Variants in IQCH observed in about 807,000 individuals in gnomAD.
IQCH encodes the protein IQ domain-containing protein H.
A neutral mutation model predicts 117.0 loss-of-function variants in IQCH; 98 were observed. The ratio of observed to expected loss-of-function variants is 0.84; its 90% CI spans 0.71 to 0.99. The LOEUF (loss-of-function observed/expected upper bound fraction) is 0.99, where lower values mean the gene tolerates loss of function less well. Among genes scored for constraint, IQCH ranks in the 50% least tolerant of loss-of-function variants. IQCH has a pLI of 0.00. For missense variants in IQCH, 1,102 were observed against 1,243.8 expected, an observed-to-expected ratio of 0.89 and a Z score of 1.72; for synonymous variants, 412 against 448.2, an observed-to-expected ratio of 0.92 and a Z score of 1.02.
At chr15:67,335,987 A>G (rs960192557) in intron 4 of IQCH, among the ~76,000 whole-genome samples, 5 of 152,030 alleles carry the variant, frequency 3.3e-5, no homozygotes, top group Non-Finnish European at 7.4e-5. Flanking sequence ...CCTTAAAGTC[A>G]CTATGACCTT....
rs938171797 is a variant in IQCH at position 67,417,522 on chromosome 15, G to A, written c.2218+471G>A. Among the ~76,000 whole-genome samples the A allele has an allele frequency of 6.6e-6, 1 of 152,122 alleles. No individual in the cohort carries two copies. The highest frequency in any genetic ancestry group is 1.5e-5 in the Non-Finnish European group (1 of 68,010). On this transcript the variant is annotated intron_variant, in intron 15 of 20. Coordinates refer to ENST00000335894, the MANE Select transcript of IQCH (RefSeq NM_001031715.3). This position sits in a 1 kb window ranked among gnomAD's most constrained non-coding sequence, Gnocchi z 4.3. ...GTTAGTTTCTCCTTCTGTTTTCTAG[G>A]AGAGCAAAAATGGTCTCGCTTCCAG...
rs1329096026 is a variant in IQCH at position 67,433,327 on chromosome 15, G to A, written c.2505+11750G>A. 6.6e-6 allele frequency among the ~76,000 whole-genome samples: 1 copy of A among 152,148 alleles called. No individual in the cohort carries two copies. Among genetic ancestry groups the A allele is most frequent in the Non-Finnish European group, 1.5e-5 (1 of 68,016 alleles). On this transcript the variant is annotated intron_variant, in intron 16 of 20. Coordinates refer to ENST00000335894, the MANE Select transcript of IQCH (RefSeq NM_001031715.3). This position sits in a 1 kb window ranked among gnomAD's most constrained non-coding sequence, Gnocchi z 5.4. ...TTTTTCCAGTGAAAATTACAATTCT[G>A]TTTCTTAACACTGATAGTGCAGGTA...
In IQCH at chr15:67,500,276, G is replaced by A. The variant is rs191948223; in HGVS notation, c.2971-357G>A. 1.3e-5 allele frequency among the ~76,000 whole-genome samples: 2 copies of A among 152,074 alleles called. No homozygotes were observed. The highest frequency in any genetic ancestry group is 1.9e-4 in the East Asian group (1 of 5,178). ...ATTATCCATAATAAGGAAACTATTT[G>A]TTTTGTTTTGATTTTATCTGACTAT... On this transcript the variant is annotated intron_variant, in intron 20 of 20. Transcript: ENST00000335894. The surrounding 1 kb of genome is among the most constrained non-coding windows in gnomAD (Gnocchi z 4.4).
chr15:67,474,093 T>TGTGTGTGC lies in IQCH; in HGVS notation c.2677-1596_2677-1595insCGTGTGTG, dbSNP rs2083142867. On this transcript the variant is annotated intron_variant, in intron 17 of 20. Coordinates refer to ENST00000335894, the MANE Select transcript of IQCH (RefSeq NM_001031715.3). This position sits in a 1 kb window ranked among gnomAD's most constrained non-coding sequence, Gnocchi z 4.1. The stretch of plus-strand genomic sequence containing the variant: ...GTGTGTGTGTGTGTGTGTGTGTGTG[T>TGTGTGTGC]GTGTGTGTGTGGAGAGGGAGAGAGG... Among the ~76,000 whole-genome samples, 1 of 151,064 alleles carries TGTGTGTGC rather than the reference T, an allele frequency of 6.6e-6. No homozygotes were observed. Among genetic ancestry groups the TGTGTGTGC allele is most frequent in the Non-Finnish European group, 1.5e-5 (1 of 67,854 alleles).
chr15:67,348,579 T>C (rs1413690287), intron 6 of IQCH, among the ~76,000 whole-genome samples: 1 of 152,248 alleles, frequency 6.6e-6, no homozygotes. Context: ...AACCTATGGA[T>C]GCTGGATGCT....
rs1329902509 is a variant in IQCH at position 67,370,839 on chromosome 15, A to G, written c.754-1272A>G. The stretch of plus-strand genomic sequence containing the variant: ...TTAACACTTGTTTTTCAGCATTTTT[A>G]CTTGAGATGGCAGTCTAATTAATTA... On this transcript the variant is annotated intron_variant, in intron 8 of 20. Coordinates refer to ENST00000335894, the MANE Select transcript of IQCH (RefSeq NM_001031715.3). This position sits in a 1 kb window ranked among gnomAD's most constrained non-coding sequence, Gnocchi z 5.6. Among the ~76,000 whole-genome samples the G allele has an allele frequency of 2.6e-5, 4 of 152,160 alleles. No individual in the cohort carries two copies. The highest frequency in any genetic ancestry group is 6.5e-5 in the Admixed American group (1 of 15,272).
rs2140894552 is a variant in IQCH at position 67,411,493 on chromosome 15, G to C, written c.2098-5438G>C. ...GATGTCAGAAAGCATCTAGAAATCA[G>C]AACCATGTAGGCAGGTCCCTTGATT... On this transcript the variant is annotated intron_variant, in intron 14 of 20. Transcript: ENST00000335894. The surrounding 1 kb of genome is among the most constrained non-coding windows in gnomAD (Gnocchi z 4.4). 6.6e-6 allele frequency among the ~76,000 whole-genome samples: 1 copy of C among 152,328 alleles called. No individual in the cohort carries two copies. Among genetic ancestry groups the C allele is most frequent in the Non-Finnish European group, 1.5e-5 (1 of 68,042 alleles).
rs781205691 is a variant in IQCH at position 67,337,034 on chromosome 15, T to G, written c.447T>G (p.Ser149=). 4.3e-6 allele frequency: 7 copies of G among 1,613,768 alleles called. No individual in the cohort carries two copies. Among genetic ancestry groups the G allele is most frequent in the Non-Finnish European group, 5.1e-6 (6 of 1,179,750 alleles). Residue 149 remains serine (S), a synonymous_variant, in exon 5 of 21, where the codon TCT becomes TCG. Coordinates refer to ENST00000335894, the MANE Select transcript of IQCH (RefSeq NM_001031715.3). ...SNISSLTVLP[S]SHCTDPYFTP... The stretch of plus-strand genomic sequence containing the variant: ...TATCCAGCCTCACGGTTCTGCCATC[T>G]TCTCATTGCACAGATCCCTATTTCA...
rs185283782 is a variant in IQCH at position 67,467,870 on chromosome 15, G to A, written c.2676+2573G>A. Among the ~76,000 whole-genome samples, 4 of 152,160 alleles carry A rather than the reference G, an allele frequency of 2.6e-5. No individual in the cohort carries two copies. The highest frequency in any genetic ancestry group is 2.6e-4 in the Admixed American group (4 of 15,274). ...ATGCCTATAAAATGCTTCCAGTGTG[G>A]GCCCTTTTCTTTAATAATATGCTAT... On this transcript the variant is annotated intron_variant, in intron 17 of 20. Transcript: ENST00000335894. The surrounding 1 kb of genome is among the most constrained non-coding windows in gnomAD (Gnocchi z 5.7).
chr15:67,385,953 C>T lies in IQCH; in HGVS notation c.1456+934C>T, dbSNP rs1971095114. Among the ~76,000 whole-genome samples, 1 of 152,130 alleles carries T rather than the reference C, an allele frequency of 6.6e-6. No homozygotes were observed. The highest frequency in any genetic ancestry group is 1.5e-5 in the Non-Finnish European group (1 of 68,034). On this transcript the variant is annotated intron_variant, in intron 11 of 20. Coordinates refer to ENST00000335894, the MANE Select transcript of IQCH (RefSeq NM_001031715.3). The surrounding 1 kb of genome is among the most constrained non-coding windows in gnomAD (Gnocchi z 4.6). ...ACATGATTCATATATATTTCAGCAT[C>T]ATTATTATTTTATAAATGCTATTTG... is the stretch of plus-strand genomic sequence containing the variant.
Position 67,496,758 on chromosome 15 carries a change from C to T in IQCH, c.2970+2392C>T, listed in dbSNP as rs2083823772. ...TATCGGCCGGGCACGGTGGCTCACG[C>T]CTGTAATCCCAGCACTTTGGGAGGC... On this transcript the variant is annotated intron_variant, in intron 20 of 20. Transcript: ENST00000335894. The surrounding 1 kb of genome is among the most constrained non-coding windows in gnomAD (Gnocchi z 4.4). Among the ~76,000 whole-genome samples the T allele has an allele frequency of 6.6e-6, 1 of 152,012 alleles. No individual in the cohort carries two copies. Among genetic ancestry groups the T allele is most frequent in the South Asian group, 2.1e-4 (1 of 4,814 alleles).
chr15:67,416,952 T>C lies in IQCH; in HGVS notation c.2119T>C (p.Ser707Pro). The change falls in exon 15 of 21, where the codon TCT becomes CCT. Residue 707 changes from serine (S) to proline (P), a missense_variant. Ser to Pro is a moderately conservative substitution (Grantham distance 74). Around this residue, in one of 2 missense-constraint regions of IQCH, gnomAD observed 650 missense variants for 794.3 expected, o/e 0.82. Transcript: ENST00000335894. This position sits in a 1 kb window ranked among gnomAD's most constrained non-coding sequence, Gnocchi z 5.1. ...GCAGGAGCCAGCTTTGGTGAAGATC[T>C]CTGAGGAGCTGGCGGGCATTTTAGC... is the stretch of plus-strand genomic sequence containing the variant. The part of the protein sequence containing the change: ...WAQEPALVKI[S>P]EELAGILAQH... 6.2e-7 allele frequency: 1 copy of C among 1,606,174 alleles called. No individual in the cohort carries two copies. The highest frequency in any genetic ancestry group is 8.5e-7 in the Non-Finnish European group (1 of 1,176,738).
intron 4 of IQCH, among the ~76,000 whole-genome samples, chr15:67,294,702 C>G (rs759179502): frequency 5.3e-5 from 8 of 152,196 alleles, no homozygotes; most frequent in Non-Finnish European, 1.0e-4. Context: ...AACTGGGCCC[C>G]CAGTGGCTTC....
chr15:67,273,655 T>C (rs1437229607), intron 3 of IQCH, among the ~76,000 whole-genome samples: 1 of 152,248 alleles, frequency 6.6e-6, no homozygotes, highest in Non-Finnish European at 1.5e-5. Context: ...TATTACTGTT[T>C]TTAATAGATT....
At chr15:67,294,175 A>G (rs1395411431) in intron 4 of IQCH, among the ~76,000 whole-genome samples, 1 of 152,130 alleles carries the variant, frequency 6.6e-6, no homozygotes, top group Admixed American at 6.6e-5. Flanking sequence ...CACATATAGT[A>G]TGTTCTTCCA....
intron 8 of IQCH, among the ~76,000 whole-genome samples, chr15:67,361,301 C>T (rs4491456): frequency 0.21 from 31,930 of 152,152 alleles, 4,072 homozygotes; most frequent in East Asian, 0.47. Flanking sequence ...TGAGTGCTTA[C>T]TCTTTGCCAG....
chr15:67,364,046 G>T lies in IQCH; in HGVS notation c.753+4161G>T, dbSNP rs193017758. Among the ~76,000 whole-genome samples, 78 of 152,336 alleles carry T rather than the reference G, an allele frequency of 5.1e-4. 1 individual carries two copies. The East Asian group carries it at 0.011, about 22-fold the overall frequency. On this transcript the variant is annotated intron_variant, in intron 8 of 20. Transcript: ENST00000335894. The surrounding 1 kb of genome is among the most constrained non-coding windows in gnomAD (Gnocchi z 4.1). ...CATGCATGTGTCTTTATGGTAGAAT[G>T]ATTTATAGTCCTTTGGGTATATACC...
chr15:67,304,808 C>G (rs1184070267), intron 4 of IQCH, among the ~76,000 whole-genome samples: 3 of 151,922 alleles, frequency 2.0e-5, no homozygotes, highest in African/African-American at 4.8e-5. Flanking sequence ...CTAGAAAAAT[C>G]CAAATAAAAC....
At chr15:67,327,971 T>A (rs1349707537) in intron 4 of IQCH, among the ~76,000 whole-genome samples, 1 of 152,216 alleles carries the variant, frequency 6.6e-6, no homozygotes, top group Non-Finnish European at 1.5e-5. Context: ...TTTTTCTTCT[T>A]GAATTATAGC....
Sources: allele counts gnomAD v4.1 joint callset (sites outside exome capture counted in the v4.1 genomes callset), GRCh38; gene constraint gnomAD v4.1.1; regional missense constraint gnomAD v4.1.1; non-coding constraint Gnocchi (gnomAD v3.1); transcripts MANE v1.5; gene names NCBI Gene and HGNC (gene_info 2026-07-23, HGNC 2026-07-21).